Variants in PHIP observed in about 807,000 individuals in gnomAD.
The protein encoded by PHIP is PH-interacting protein.
A neutral mutation model predicts 236.8 loss-of-function variants in PHIP; 54 were observed. That is an observed-to-expected ratio of 0.23 (90% confidence interval 0.18 to 0.29). The LOEUF (loss-of-function observed/expected upper bound fraction) is 0.29, where lower values mean the gene tolerates loss of function less well. PHIP is among the 10% of genes least tolerant of loss of function. PHIP has a pLI of 1.00. For missense variants in PHIP, 1,370 were observed against 2,190.8 expected (o/e 0.63, Z 7.48); for synonymous variants, 756 against 718.9 (o/e 1.05, Z -0.83).
chr6:79,045,439 T>C (rs377293499), intron 6 of PHIP, among the ~76,000 whole-genome samples: 4 of 152,246 alleles, frequency 2.6e-5, no homozygotes, highest in African/African-American at 9.6e-5. Context: ...ATTTGGAAAA[T>C]GTCTATCTCT....
chr6:78,941,473 G>A lies in PHIP; in HGVS notation c.4829-143C>T, dbSNP rs566419369. On this transcript the variant is annotated intron_variant, in intron 39 of 39. Coordinates refer to ENST00000275034, the MANE Select transcript of PHIP (RefSeq NM_017934.7). ...TATTAAAATGAGAAAAAAGAACCTA[G>A]AAAACACTAATAGTTCAATGATCTT... 2.0e-5 allele frequency: 11 copies of A among 556,018 alleles called. No homozygotes were observed. The South Asian group carries it at 3.3e-4, about 17-fold the overall frequency. The allele number at this position is 556,018 out of a possible 1,614,324, so 34.4% of individuals were successfully genotyped here.
At chr6:78,948,257 A>C (rs778088886) in intron 35 of PHIP, among the ~76,000 whole-genome samples, 5 of 152,114 alleles carry the variant, frequency 3.3e-5, no homozygotes, top group African/African-American at 4.8e-5. Flanking sequence ...TTCAGTACTA[A>C]AATTGGGAGT....
At chr6:79,049,234 G>C (rs1772665853) in intron 6 of PHIP, among the ~76,000 whole-genome samples, 1 of 151,804 alleles carries the variant, frequency 6.6e-6, no homozygotes, top group South Asian at 2.1e-4. Context: ...AATTTTTCTT[G>C]TATTTTTAGT....
At chr6:78,946,528 A>C in intron 37 of PHIP, 183 bp downstream of exon 37, 1 of 1,379,402 alleles carries the variant, frequency 7.2e-7, no homozygotes, top group Non-Finnish European at 9.3e-7. Context: ...GTTTGAATTT[A>C]AGCACTTACA....
chr6:79,024,610 C>T (rs1771295377), intron 9 of PHIP, among the ~76,000 whole-genome samples: 1 of 152,124 alleles, frequency 6.6e-6, no homozygotes. Flanking sequence ...GGAGACCATC[C>T]TGGCTAACAC....
chr6:79,052,488 C>T lies in PHIP; in HGVS notation c.439+7990G>A, dbSNP rs147184782. Among the ~76,000 whole-genome samples, 868 of 152,170 alleles carry T rather than the reference C, an allele frequency of 5.7e-3. 16 individuals are homozygous for T. The highest frequency in any genetic ancestry group is 0.01 in the East Asian group (52 of 5,180). The stretch of plus-strand genomic sequence containing the variant: ...ATTTTGGACTAAATTCCAGTAATAA[C>T]GGGTTGAAGTTTTGGGGGAGAAAAG... On this transcript the variant is annotated intron_variant, in intron 6 of 39. Coordinates refer to ENST00000275034, the MANE Select transcript of PHIP (RefSeq NM_017934.7).
rs780190546 is a variant in PHIP, at chr6:78,946,263, G to T, written c.4371-3C>A. On this transcript the variant is annotated splice_region_variant and splice_polypyrimidine_tract_variant and intron_variant, in intron 37 of 39. Transcript: ENST00000275034. ...AGATCCTTTTTTTCCTTTCAGGGCT[G>T]TAAATAAAATAGTATTGTCAGTCAC... 8 of 1,610,078 alleles carry T rather than the reference G, an allele frequency of 5.0e-6. No homozygotes were observed. Among genetic ancestry groups the T allele is most frequent in the Non-Finnish European group, 6.8e-6 (8 of 1,177,838 alleles).
Position 78,940,923 on chromosome 6 carries a change from T to C in PHIP, c.5236A>G (p.Ile1746Val). The change falls in exon 40 of 40, where the codon ATA (isoleucine) becomes GTA (valine). Residue 1746 changes from isoleucine to valine, a missense_variant. Around this residue, in one of 14 missense-constraint regions of PHIP, gnomAD observed 309 missense variants for 328.3 expected, o/e 0.94. Transcript: ENST00000275034. ...TCTTCCTCATCTATAGGATCATCTA[T>C]CTTTTTTCGGTTACTTCTCCTTAAC... ...KVLRRSNRKK[I>V]DDPIDEEEEF... 1.9e-6 allele frequency: 3 copies of C among 1,613,986 alleles called. No homozygotes were observed. Among genetic ancestry groups the C allele is most frequent in the Non-Finnish European group, 2.5e-6 (3 of 1,179,874 alleles).
At chr6:79,061,359 C>A (rs1310414837) in intron 4 of PHIP, among the ~76,000 whole-genome samples, 1 of 151,960 alleles carries the variant, frequency 6.6e-6, no homozygotes, top group Non-Finnish European at 1.5e-5. Flanking sequence ...TTTTGGGAAC[C>A]CCTGGAGGTC....
intron 6 of PHIP, among the ~76,000 whole-genome samples, chr6:79,046,059 C>T (rs927454056): frequency 2.0e-5 from 3 of 152,058 alleles, no homozygotes; most frequent in African/African-American, 7.2e-5. Context: ...GAATAAACAC[C>T]AACTTCCTGA....
rs542943597 is a variant in PHIP at position 79,036,619 on chromosome 6, G to T, written c.600+6224C>A. The stretch of plus-strand genomic sequence containing the variant: ...CTCCATTACCATTAATCTTTTTTCT[G>T]AACCATTTAAAAGCAACGCTGGGCC... On this transcript the variant is annotated intron_variant, in intron 7 of 39. Transcript: ENST00000275034. Among the ~76,000 whole-genome samples, 3 of 151,798 alleles carry T rather than the reference G, an allele frequency of 2.0e-5. No homozygotes were observed. In the South Asian group the frequency reaches 6.3e-4, roughly 32 times the overall value.
chr6:78,988,164 A>G (rs764503487), intron 21 of PHIP, 45 bp downstream of exon 21: 3 of 1,377,486 alleles, frequency 2.2e-6, no homozygotes, highest in South Asian at 1.5e-5. Flanking sequence ...ATTTAAAAAA[A>G]TAAGTAAAAA....
chr6:79,008,845 CT>C (rs1361034172), intron 15 of PHIP, among the ~76,000 whole-genome samples: 1 of 152,078 alleles, frequency 6.6e-6, no homozygotes, highest in African/African-American at 2.4e-5. Flanking sequence ...TCAGTTCTCC[CT>C]TATGTCTTTC....
At position 78,941,035 on chromosome 6, in the gene PHIP, T is replaced by C; in HGVS notation, c.5124A>G (p.Lys1708=). The C allele has an allele frequency of 6.2e-7, 1 of 1,614,094 alleles. No individual in the cohort carries two copies. The highest frequency in any genetic ancestry group is 1.3e-5 in the African/African-American group (1 of 75,078). The change falls in exon 40 of 40, where the codon AAA becomes AAG. Residue 1708 remains lysine (K), a synonymous_variant. Transcript: ENST00000275034. The stretch of plus-strand genomic sequence containing the variant: ...TGGGCTTCCTACCTCCACGATTCTT[T>C]TTCTGTAACAAATCTTCCTTTACAT... The part of the protein sequence containing the change: ...TNNVKEDLLQ[K]KNRGGRKPKR...
At chr6:78,995,383 A>C (rs1435554006) in intron 19 of PHIP, among the ~76,000 whole-genome samples, 1 of 152,220 alleles carries the variant, frequency 6.6e-6, no homozygotes, top group African/African-American at 2.4e-5. Flanking sequence ...AATTCCCAAT[A>C]GTGCAACTGC....
intron 4 of PHIP, among the ~76,000 whole-genome samples, chr6:79,070,718 T>A (rs1200474751): frequency 1.3e-5 from 2 of 152,158 alleles, no homozygotes; most frequent in African/African-American, 4.8e-5. Context: ...CTCTAATTCC[T>A]CATATAAACT....
Position 78,997,569 on chromosome 6 carries a change from A to G in PHIP, c.2046T>C (p.His682=). The change falls in exon 19 of 40, where the codon CAT becomes CAC. Residue 682 remains histidine, a synonymous_variant. Coordinates refer to ENST00000275034, the MANE Select transcript of PHIP (RefSeq NM_017934.7). ...GTCTTAGTCCTACGTTTGGTGGTGA[A>G]TGAACCTCTGAGGTAGAACTTATGG... The part of the protein sequence containing the change: ...RGSISSTSEV[H]SPPNVGLRRS... The G allele has an allele frequency of 2.5e-6, 4 of 1,613,762 alleles. No homozygotes were observed. Among genetic ancestry groups the G allele is most frequent in the Non-Finnish European group, 3.4e-6 (4 of 1,179,754 alleles).
intron 15 of PHIP, among the ~76,000 whole-genome samples, chr6:79,009,142 T>G (rs554729589): frequency 6.6e-6 from 1 of 152,220 alleles, no homozygotes; most frequent in South Asian, 2.1e-4. Flanking sequence ...GACCATCCTA[T>G]AAAATAATTT....
At position 79,077,729 on chromosome 6, in the gene PHIP, C is replaced by T. The variant is rs1370614288; in HGVS notation, c.100G>A (p.Val34Met). The T allele has an allele frequency of 3.0e-6, 3 of 1,013,090 alleles. No individual in the cohort carries two copies. The highest frequency in any genetic ancestry group is 1.2e-6 in the Non-Finnish European group (1 of 850,264). The allele number at this position is 1,013,090 out of a possible 1,614,324, so 62.8% of individuals were successfully genotyped here. Residue 34 changes from valine (V) to methionine (M), a missense_variant and splice_region_variant, in exon 3 of 40, where the codon GTG becomes ATG. Val to Met is a conservative substitution (Grantham distance 21). This residue lies in a region of PHIP where 43 missense variants were observed against 53.8 expected (regional missense o/e 0.80). Coordinates refer to ENST00000275034, the MANE Select transcript of PHIP (RefSeq NM_017934.7). Reference protein sequence around the residue: ...EDGPCQQAAQVLIREVAEKEL... With the variant: ...EDGPCQQAAQMLIREVAEKEL... ...TTCTCGGCCACCTCGCGGATCAGCA[C>T]CTGCAACAACAAAGCGGGGAGAGCT...
Sources: gnomAD v4.1 joint callset for allele counts (sites outside exome capture counted in the v4.1 genomes callset) on GRCh38, gnomAD v4.1.1 for gene constraint, gnomAD v4.1.1 regional missense constraint, MANE v1.5 for transcripts, NCBI Gene and HGNC (gene_info 2026-07-23, HGNC 2026-07-21) for gene names.